Variants in ELMO1 observed in about 807,000 individuals in gnomAD.
ELMO1 encodes engulfment and cell motility protein 1.
Under a neutral mutation model 98.9 loss-of-function variants are expected in ELMO1, and 26 were observed. The observed-to-expected ratio is 0.26, with a 90% CI of 0.19 to 0.36. ELMO1 has a LOEUF of 0.36. Among genes scored for constraint, ELMO1 ranks in the 10% least tolerant of loss-of-function variants. The pLI is 1.00. For synonymous variants in ELMO1, 346 were observed against 346.0 expected, an observed-to-expected ratio of 1.00 and a Z score of 0.00; for missense variants, 627 against 935.2, an observed-to-expected ratio of 0.67 and a Z score of 4.30.
intron 15 of ELMO1, among the ~76,000 whole-genome samples, chr7:37,096,315 AT>A (rs547747089): frequency 6.1e-5 from 9 of 148,382 alleles, no homozygotes; most frequent in African/African-American, 1.6e-4. Flanking sequence ...AAATCCATAG[AT>A]TTTTTTTTCC....
chr7:36,868,916 G>A (rs887763757), intron 20 of ELMO1, among the ~76,000 whole-genome samples: 10 of 152,166 alleles, frequency 6.6e-5, no homozygotes, highest in African/African-American at 2.4e-4. Context: ...CTCCTCGGCT[G>A]AAGCTGAGCA....
chr7:37,058,913 T>C lies in ELMO1; in HGVS notation c.1300+37706A>G, dbSNP rs542210715. ...TGGAACCCATTGTGGGTTTCTTCCTTTCATGGGGACACCCAAGAAATGACC... is the reference window on the plus strand; with the variant it reads ...TGGAACCCATTGTGGGTTTCTTCCTCTCATGGGGACACCCAAGAAATGACC... On this transcript the variant is annotated intron_variant, in intron 15 of 21. Coordinates refer to ENST00000310758, the MANE Select transcript of ELMO1 (RefSeq NM_014800.11). Among the ~76,000 whole-genome samples the C allele has an allele frequency of 3.3e-5, 5 of 152,306 alleles. No individual in the cohort carries two copies. The South Asian group carries it at 1.0e-3, about 32-fold the overall frequency.
chr7:37,117,654 G>T (rs972375409), intron 14 of ELMO1, among the ~76,000 whole-genome samples: 8 of 152,138 alleles, frequency 5.3e-5, no homozygotes, highest in Non-Finnish European at 1.0e-4. Context: ...CACAATCAAC[G>T]AAATTAATGC....
At chr7:37,222,449 C>A (rs941657447) in intron 10 of ELMO1, among the ~76,000 whole-genome samples, 166 bp downstream of exon 10, 5 of 152,186 alleles carry the variant, frequency 3.3e-5, no homozygotes, top group African/African-American at 7.2e-5. Flanking sequence ...TTGGGAAGGA[C>A]CCCAGCGGGC....
intron 1 of ELMO1, among the ~76,000 whole-genome samples, chr7:37,399,222 T>C (rs986387374): frequency 3.9e-5 from 6 of 152,202 alleles, no homozygotes; most frequent in African/African-American, 9.6e-5. Context: ...ACCACGTCCT[T>C]CATTCAACAA....
At chr7:37,263,713 T>C (rs1344397904) in intron 5 of ELMO1, among the ~76,000 whole-genome samples, 1 of 152,100 alleles carries the variant, frequency 6.6e-6, no homozygotes, top group Non-Finnish European at 1.5e-5. Flanking sequence ...AAAGCCCTGA[T>C]TCAGGTGGAA....
rs190521176 is a variant in ELMO1 at position 37,115,114 on chromosome 7, T to C, written c.1191+18016A>G. On this transcript the variant is annotated intron_variant, in intron 14 of 21. Transcript: ENST00000310758. ...GGAATTGAATAAATAATTAATGACCTTCCAAAATGGAAAGTATCAGGCCTG... is the reference window on the plus strand; with the variant it reads ...GGAATTGAATAAATAATTAATGACCCTCCAAAATGGAAAGTATCAGGCCTG... 1.0e-3 allele frequency among the ~76,000 whole-genome samples: 156 copies of C among 152,272 alleles called. 1 individual carries two copies. Among genetic ancestry groups the C allele is most frequent in the African/African-American group, 3.5e-3 (147 of 41,576 alleles).
chr7:37,439,980 G>GGTGT (rs3054254), intron 1 of ELMO1, among the ~76,000 whole-genome samples: 1,769 of 150,398 alleles, frequency 0.012, 38 homozygotes, highest in African/African-American at 0.041. Context: ...GAGCTGCATG[G>GGTGT]GTGTGTGTGT....
chr7:37,345,283 G>A (rs1044810402), intron 1 of ELMO1, among the ~76,000 whole-genome samples: 5 of 152,156 alleles, frequency 3.3e-5, no homozygotes, highest in Admixed American at 3.3e-4. Flanking sequence ...CTGGGATATA[G>A]CAACAAAGGA....
intron 14 of ELMO1, among the ~76,000 whole-genome samples, chr7:37,129,632 C>T (rs1400140923): frequency 6.6e-6 from 1 of 152,232 alleles, no homozygotes; most frequent in Non-Finnish European, 1.5e-5. Flanking sequence ...TCCAAAGTAA[C>T]TCATTCAAAC....
chr7:37,406,617 T>C (rs747570839), intron 1 of ELMO1, among the ~76,000 whole-genome samples: 14 of 151,770 alleles, frequency 9.2e-5, no homozygotes, highest in Non-Finnish European at 1.6e-4. Context: ...TTTTTTTTTT[T>C]AGTAGAGACG....
intron 14 of ELMO1, among the ~76,000 whole-genome samples, chr7:37,103,762 C>T (rs889566557): frequency 2.0e-5 from 3 of 151,476 alleles, no homozygotes; most frequent in East Asian, 1.9e-4. Flanking sequence ...TTTGGGAGGC[C>T]GAGGCAGGCG....
At chr7:37,197,248 G>C (rs1230345578) in intron 13 of ELMO1, 1 of 152,202 alleles carries the variant, frequency 6.6e-6, no homozygotes, top group Admixed American at 6.5e-5. Flanking sequence ...AGTATGCAGA[G>C]ATGCCCGCAC....
intron 14 of ELMO1, among the ~76,000 whole-genome samples, chr7:37,113,313 C>T (rs74747437): frequency 0.011 from 1,654 of 152,262 alleles, 22 homozygotes; most frequent in African/African-American, 0.035. Context: ...ACTGGGGTAC[C>T]GCAGTGACAC....
chr7:37,271,605 CG>C, intron 5 of ELMO1: 1 of 499,946 alleles, frequency 2.0e-6, no homozygotes, highest in South Asian at 3.2e-5. Flanking sequence ...TATCCTGGGC[CG>C]CAGGTTAGAC....
intron 14 of ELMO1, among the ~76,000 whole-genome samples, chr7:37,120,129 G>A (rs1249129425): frequency 6.6e-6 from 1 of 152,308 alleles, no homozygotes; most frequent in East Asian, 1.9e-4. Flanking sequence ...TGGTTGTGTA[G>A]CAGTTTAATT....
intron 16 of ELMO1, among the ~76,000 whole-genome samples, chr7:36,995,281 G>C (rs1209765790): frequency 1.3e-5 from 2 of 152,200 alleles, no homozygotes; most frequent in Non-Finnish European, 2.9e-5. Flanking sequence ...AGACCGCAGT[G>C]AGCAGATCAT....
At chr7:36,886,432 T>C (rs529945000) in intron 18 of ELMO1, among the ~76,000 whole-genome samples, 2 of 152,338 alleles carry the variant, frequency 1.3e-5, no homozygotes, top group South Asian at 4.1e-4. Flanking sequence ...GGGGATGAGT[T>C]CAGCTGACAA....
chr7:37,178,893 C>T (rs1012705238), intron 13 of ELMO1, among the ~76,000 whole-genome samples: 2 of 152,136 alleles, frequency 1.3e-5, no homozygotes, highest in Non-Finnish European at 2.9e-5. Context: ...GAAGCTGTCG[C>T]AGGTTGAATG....
Sources: allele counts gnomAD v4.1 joint callset (sites outside exome capture counted in the v4.1 genomes callset), GRCh38; gene constraint gnomAD v4.1.1; transcripts MANE v1.5; gene names NCBI Gene and HGNC (gene_info 2026-07-23, HGNC 2026-07-21).